The following ACYP2 variants were observed in gnomAD, a reference collection of about 807,000 sequenced individuals.
ACYP2 encodes the protein acylphosphatase-2.
ACYP2 carries 12 observed loss-of-function variants against 11.2 expected under a neutral mutation model. That is an observed-to-expected ratio of 1.08 (90% CI 0.69 to 1.74). ACYP2 has a LOEUF of 1.74. Ranked by LOEUF, ACYP2 falls within the 40% of genes most tolerant of loss-of-function variation. The pLI, the probability that ACYP2 is intolerant of heterozygous loss-of-function variation, is 0.00. For synonymous variants in ACYP2, 43 were observed against 32.2 expected (o/e 1.33, Z -1.13); for missense variants, 134 against 101.9 (o/e 1.31, Z -1.35).
intron 4 of ACYP2, among the ~76,000 whole-genome samples, chr2:54,132,928 G>T (rs114807821): frequency 0.014 from 2,085 of 151,852 alleles, 54 homozygotes; most frequent in African/African-American, 0.048. Flanking sequence ...TATTTTTCTT[G>T]AGATGGGATT....
At chr2:54,027,837 C>CTTTTTTTTTTTT (rs34122179) in intron 2 of ACYP2, among the ~76,000 whole-genome samples, 45 of 97,860 alleles carry the variant, frequency 4.6e-4, no homozygotes, top group East Asian at 6.3e-4. Flanking sequence ...TTCTTTCTTT[C>CTTTTTTTTTTTT]TTTTTTTTTT....
chr2:54,175,611 T>A (rs1683426770), intron 6 of ACYP2, among the ~76,000 whole-genome samples: 1 of 152,156 alleles, frequency 6.6e-6, no homozygotes, highest in Non-Finnish European at 1.5e-5. Context: ...CTAGTTCTTT[T>A]AATTGTGATC....
intron 2 of ACYP2, among the ~76,000 whole-genome samples, chr2:54,031,980 T>G (rs572431804): frequency 7.2e-5 from 11 of 152,304 alleles, no homozygotes; most frequent in African/African-American, 2.6e-4. Context: ...GTTGTTTGAT[T>G]TTTTCTTGTA....
At chr2:54,037,082 C>G (rs187282312) in intron 2 of ACYP2, among the ~76,000 whole-genome samples, 438 of 152,262 alleles carry the variant, frequency 2.9e-3, no homozygotes, top group Non-Finnish European at 4.8e-3. Flanking sequence ...TAGAGAAAAA[C>G]TCCTTTAGAA....
chr2:53,999,509 G>A (rs1672711015), intron 2 of ACYP2, among the ~76,000 whole-genome samples: 1 of 152,130 alleles, frequency 6.6e-6, no homozygotes, highest in Admixed American at 6.6e-5. Context: ...GGGAAGATTG[G>A]ATGGTGCTGG....
At chr2:54,201,621 T>TCC in intron 6 of ACYP2, among the ~76,000 whole-genome samples, 1 of 112,724 alleles carries the variant, frequency 8.9e-6, no homozygotes, top group Non-Finnish European at 1.9e-5. Flanking sequence ...TCTTTCTTTC[T>TCC]TTGTTTCTTT....
intron 6 of ACYP2, among the ~76,000 whole-genome samples, chr2:54,295,846 C>T (rs1273774902): frequency 1.3e-5 from 2 of 151,836 alleles, no homozygotes; most frequent in African/African-American, 2.4e-5. Context: ...CTGCAACCTC[C>T]GCCTCCCGGG....
intron 2 of ACYP2, among the ~76,000 whole-genome samples, chr2:54,020,971 A>G (rs571072348): frequency 5.9e-5 from 9 of 152,190 alleles, no homozygotes; most frequent in Admixed American, 2.6e-4. Context: ...CAGCAAGGCA[A>G]TTTTTACTTC....
chr2:54,191,670 A>C (rs531015828), intron 6 of ACYP2, among the ~76,000 whole-genome samples: 1 of 152,320 alleles, frequency 6.6e-6, no homozygotes, highest in South Asian at 2.1e-4. Flanking sequence ...AATGCTGTGT[A>C]ACTATTAACC....
chr2:54,255,759 G>T, intron 6 of ACYP2: 1 of 1,613,890 alleles, frequency 6.2e-7, no homozygotes. Flanking sequence ...CTGCCCCACA[G>T]GTTTCTAGAG....
At chr2:54,255,490 C>T in intron 6 of ACYP2, 1 of 1,614,040 alleles carries the variant, frequency 6.2e-7, no homozygotes, top group Non-Finnish European at 8.5e-7. Context: ...CAGGAGCGCC[C>T]TGTCAGCCTC....
intron 2 of ACYP2, among the ~76,000 whole-genome samples, chr2:54,015,156 C>G (rs1318260270): frequency 3.3e-5 from 5 of 150,934 alleles, no homozygotes; most frequent in African/African-American, 7.3e-5. Flanking sequence ...CACTTGAGGT[C>G]AGGTATTTGA....
chr2:54,089,619 AG>A (rs1678116729), intron 4 of ACYP2, among the ~76,000 whole-genome samples: 1 of 151,994 alleles, frequency 6.6e-6, no homozygotes, highest in Admixed American at 6.6e-5. Flanking sequence ...GCATGCCTGT[AG>A]TCCCAGCTAC....
At chr2:53,992,604 G>T (rs190843868) in intron 2 of ACYP2, among the ~76,000 whole-genome samples, 37 of 151,896 alleles carry the variant, frequency 2.4e-4, no homozygotes, top group Non-Finnish European at 3.5e-4. Context: ...GCTAAGGTGG[G>T]CAGATCACCT....
intron 2 of ACYP2, among the ~76,000 whole-genome samples, chr2:54,041,687 G>C (rs945467259): frequency 6.6e-6 from 1 of 152,212 alleles, no homozygotes; most frequent in African/African-American, 2.4e-5. Flanking sequence ...GTCAGAGGCG[G>C]CAAGGGAGCT....
At chr2:54,055,726 TG>T (rs1367509304) in intron 3 of ACYP2, among the ~76,000 whole-genome samples, 2 of 152,242 alleles carry the variant, frequency 1.3e-5, no homozygotes, top group African/African-American at 4.8e-5. Flanking sequence ...GCCTATCTGC[TG>T]TTCAACAAAT....
chr2:54,301,660 C>T (rs1399894190), intron 6 of ACYP2, among the ~76,000 whole-genome samples: 4 of 151,970 alleles, frequency 2.6e-5, no homozygotes, highest in South Asian at 2.1e-4. Flanking sequence ...TACATACACA[C>T]GTGTTTGTAT....
At chr2:54,024,450 A>T (rs1216476763) in intron 2 of ACYP2, among the ~76,000 whole-genome samples, 3 of 152,230 alleles carry the variant, frequency 2.0e-5, no homozygotes, top group African/African-American at 7.2e-5. Flanking sequence ...AAATCAATAA[A>T]TGTGATACAC....
intron 6 of ACYP2, among the ~76,000 whole-genome samples, chr2:54,204,544 T>C (rs190210079): frequency 1.1e-4 from 16 of 152,296 alleles, no homozygotes; most frequent in Middle Eastern, 3.4e-3. Flanking sequence ...CCAGTTGTCA[T>C]TATTTTGCTT....
Sources: gnomAD v4.1 joint callset for allele counts (sites outside exome capture counted in the v4.1 genomes callset) on GRCh38, gnomAD v4.1.1 for gene constraint, MANE v1.5 for transcripts, NCBI Gene and HGNC (gene_info 2026-07-23, HGNC 2026-07-21) for gene names.